Variants in UFL1 observed in about 807,000 individuals in gnomAD.
UFL1 encodes E3 UFM1-protein ligase 1.
Under a neutral mutation model 99.3 loss-of-function variants are expected in UFL1, and 78 were observed. That is an observed-to-expected ratio of 0.79 (90% CI 0.65 to 0.95). UFL1 has a LOEUF of 0.95. Among genes scored for constraint, UFL1 ranks in the 40% least tolerant of loss-of-function variants. The pLI is 0.00. For synonymous variants in UFL1, 335 were observed against 322.2 expected (o/e 1.04, Z -0.42); for missense variants, 936 against 937.0 (o/e 1.00, Z 0.01).
At chr6:96,550,323 T>A (rs1171385121) in intron 15 of UFL1, among the ~76,000 whole-genome samples, 1 of 151,880 alleles carries the variant, frequency 6.6e-6, no homozygotes, top group East Asian at 1.9e-4. Context: ...CTTTCTTCTC[T>A]GTCCTCCTCC....
chr6:96,525,324 G>A lies in UFL1; in HGVS notation c.280G>A (p.Glu94Lys). 1 of 1,608,004 alleles carries A rather than the reference G, an allele frequency of 6.2e-7. No individual in the cohort carries two copies. The highest frequency in any genetic ancestry group is 8.5e-7 in the Non-Finnish European group (1 of 1,177,604). The change falls in exon 4 of 19, where the codon GAA becomes AAA. Residue 94 changes from glutamate to lysine, a missense_variant. By Grantham distance (56) the Glu-to-Lys change is moderately conservative. Transcript: ENST00000369278. ...AATTAATGTGGACCTGATTCATATT[G>A]AAAATAGAATTGGTGACATTATTAA... The part of the protein sequence containing the change: ...QVINVDLIHI[E>K]NRIGDIIKSE...
chr6:96,542,890 C>T lies in UFL1; in HGVS notation c.1280-4C>T. 2 of 1,564,866 alleles carry T rather than the reference C, an allele frequency of 1.3e-6. No homozygotes were observed. Among genetic ancestry groups the T allele is most frequent in the Non-Finnish European group, 1.7e-6 (2 of 1,160,398 alleles). On this transcript the variant is annotated splice_region_variant and splice_polypyrimidine_tract_variant and intron_variant, in intron 11 of 18. Transcript: ENST00000369278. ...AATGCTAACTAATGTCATTTTCCCA[C>T]CAGAGGGCAGTGGAAGCATGAGAGG...
At chr6:96,542,803 C>A in intron 11 of UFL1, 91 bp from the exon 12 acceptor site, 2 of 1,236,122 alleles carry the variant, frequency 1.6e-6, no homozygotes, top group Non-Finnish European at 1.0e-6. Context: ...ATTTTTTCTG[C>A]TGTAAAGTTA....
chr6:96,553,597 T>C lies in UFL1; in HGVS notation c.*94T>C. On this transcript the variant is annotated 3_prime_UTR_variant, in exon 19 of 19. Coordinates refer to ENST00000369278, the MANE Select transcript of UFL1 (RefSeq NM_015323.5). ...AAGTAGTCACTATACAACTCCCCTC[T>C]CCCTGCAAAAACCACCTCATACACA... The C allele has an allele frequency of 9.8e-7, 1 of 1,020,546 alleles. No homozygotes were observed. Among genetic ancestry groups the C allele is most frequent in the Non-Finnish European group, 1.4e-6 (1 of 701,928 alleles). 63.2% of individuals were successfully genotyped at this position (1,020,546 alleles called of 1,614,324 possible).
At chr6:96,540,401 A>T in intron 10 of UFL1, 134 bp from the exon 11 acceptor site, 1 of 1,157,368 alleles carries the variant, frequency 8.6e-7, no homozygotes, top group Non-Finnish European at 1.2e-6. Context: ...CCTTAGAGTG[A>T]CAGCTCTGAA....
At chr6:96,543,072 T>C in intron 12 of UFL1, 56 bp downstream of exon 12, 1 of 1,532,228 alleles carries the variant, frequency 6.5e-7, no homozygotes, top group Non-Finnish European at 8.7e-7. Flanking sequence ...GTAACATATT[T>C]TCTTAAGATG....
chr6:96,528,783 T>C (rs1769738768), intron 6 of UFL1, 151 bp downstream of exon 6: 6 of 1,062,440 alleles, frequency 5.6e-6, no homozygotes, highest in Non-Finnish European at 7.8e-6. Flanking sequence ...TTTTGTAAAA[T>C]AGAAATTGAG....
chr6:96,535,650 G>A (rs1287936696), intron 7 of UFL1, among the ~76,000 whole-genome samples: 1 of 151,984 alleles, frequency 6.6e-6, no homozygotes, highest in Non-Finnish European at 1.5e-5. Context: ...TGGCAGAGTT[G>A]AGGTTTAGAC....
At chr6:96,537,043 A>G (rs1025338297) in intron 8 of UFL1, among the ~76,000 whole-genome samples, 5 of 151,646 alleles carry the variant, frequency 3.3e-5, no homozygotes, top group Non-Finnish European at 7.4e-5. Flanking sequence ...TTATAATCCA[A>G]GTCAAACTGC....
At chr6:96,529,504 T>C (rs1265364338) in intron 6 of UFL1, among the ~76,000 whole-genome samples, 1 of 152,188 alleles carries the variant, frequency 6.6e-6, no homozygotes, top group Non-Finnish European at 1.5e-5. Flanking sequence ...GTCTAATGGA[T>C]ACTTTCCGTT....
intron 1 of UFL1, 130 bp from the exon 2 acceptor site, chr6:96,523,014 TAC>T (rs1769642252): frequency 5.0e-6 from 4 of 794,728 alleles, no homozygotes; most frequent in Admixed American, 7.1e-5. Flanking sequence ...TAGTGAAAAA[TAC>T]AGATATTGTG....
rs1770123062 is a variant in UFL1, at chr6:96,554,199, A to G, written c.*696A>G. On this transcript the variant is annotated 3_prime_UTR_variant, in exon 19 of 19. Coordinates refer to ENST00000369278, the MANE Select transcript of UFL1 (RefSeq NM_015323.5). ...AAGCTACTAACAAGAGAGAGAACAC[A>G]TGCAATTTATTACCAGTAAGCATAA... 1 of 152,202 alleles carries G rather than the reference A, an allele frequency of 6.6e-6. No homozygotes were observed. Among genetic ancestry groups the G allele is most frequent in the African/African-American group, 2.4e-5 (1 of 41,472 alleles). 9.4% of individuals were successfully genotyped at this position (152,202 alleles called of 1,614,324 possible).
chr6:96,538,085 A>G (rs556299054), intron 9 of UFL1, among the ~76,000 whole-genome samples: 1 of 151,882 alleles, frequency 6.6e-6, no homozygotes, highest in Middle Eastern at 3.4e-3. Flanking sequence ...TGTTTTGGAT[A>G]TGAAAGTCCC....
At chr6:96,543,420 A>G (rs888374192) in intron 12 of UFL1, among the ~76,000 whole-genome samples, 2 of 151,194 alleles carry the variant, frequency 1.3e-5, no homozygotes, top group Non-Finnish European at 3.0e-5. Flanking sequence ...ATTGTCTCCC[A>G]GTGATAAACG....
At chr6:96,538,592 T>G in intron 9 of UFL1, 39 bp from the exon 10 acceptor site, 1 of 1,584,828 alleles carries the variant, frequency 6.3e-7, no homozygotes, top group Middle Eastern at 1.8e-4. Context: ...TGTATTATAT[T>G]GCATTTATAC....
At chr6:96,526,161 A>C (rs1171822402) in intron 4 of UFL1, among the ~76,000 whole-genome samples, 160 bp from the exon 5 acceptor site, 1 of 152,168 alleles carries the variant, frequency 6.6e-6, no homozygotes, top group Admixed American at 6.5e-5. Context: ...ATGAGAAAAA[A>C]GTATTTGTTA....
intron 18 of UFL1, 60 bp downstream of exon 18, chr6:96,552,722 G>A: frequency 1.4e-6 from 2 of 1,444,846 alleles, no homozygotes; most frequent in South Asian, 1.4e-5. Context: ...TATTTTGAGT[G>A]GATTGAGATG....
chr6:96,537,186 T>C (rs895906079), intron 8 of UFL1, among the ~76,000 whole-genome samples, 188 bp from the exon 9 acceptor site: 2 of 151,840 alleles, frequency 1.3e-5, no homozygotes, highest in African/African-American at 2.4e-5. Context: ...TTTCTTCAAT[T>C]ATAATCATGG....
At chr6:96,551,781 A>G (rs185324461) in intron 16 of UFL1, 57 bp from the exon 17 acceptor site, 29 of 1,141,470 alleles carry the variant, frequency 2.5e-5, no homozygotes, top group Non-Finnish European at 3.5e-5. Flanking sequence ...TTAAATGGCT[A>G]TACTTCCTTA....
Sources: allele counts gnomAD v4.1 joint callset (sites outside exome capture counted in the v4.1 genomes callset), GRCh38; gene constraint gnomAD v4.1.1; transcripts MANE v1.5; gene names NCBI Gene and HGNC (gene_info 2026-07-23, HGNC 2026-07-21).